Variants in ASPG observed in about 807,000 individuals in gnomAD.
The protein encoded by ASPG is 60 kDa lysophospholipase.
A neutral mutation model predicts 63.2 loss-of-function variants in ASPG; 53 were observed. The ratio of observed to expected loss-of-function variants is 0.84; its 90% confidence interval spans 0.67 to 1.05. The LOEUF (loss-of-function observed/expected upper bound fraction) is 1.05. Ranked by LOEUF, ASPG falls within the 50% of genes least tolerant of loss-of-function variation. The probability of loss-of-function intolerance (pLI) is 0.00; values close to 1 mark genes in which losing one functional copy is unlikely to be tolerated. For synonymous variants in ASPG, 370 were observed against 355.0 expected (o/e 1.04, Z -0.48); for missense variants, 741 against 794.4 (o/e 0.93, Z 0.81).
intron 3 of ASPG, among the ~76,000 whole-genome samples, chr14:104,095,042 G>A (rs977448236): frequency 2.0e-5 from 3 of 152,168 alleles, no homozygotes; most frequent in East Asian, 3.9e-4. Flanking sequence ...GCTGCCCTTC[G>A]GTGTCCTGCC....
At chr14:104,089,238 C>T (rs1367031276) in intron 1 of ASPG, among the ~76,000 whole-genome samples, 1 of 152,100 alleles carries the variant, frequency 6.6e-6, no homozygotes, top group Admixed American at 6.5e-5. Context: ...GCTGACTGGG[C>T]GCGGTGGCTC....
intron 6 of ASPG, among the ~76,000 whole-genome samples, chr14:104,103,172 G>A (rs1438752176): frequency 1.3e-5 from 2 of 152,236 alleles, no homozygotes; most frequent in Non-Finnish European, 2.9e-5. Context: ...TCGCCTCTGC[G>A]CTCGCCTGAC....
In ASPG at chr14:104,109,455, C is replaced by T; in HGVS notation, c.1520+140C>T. ...CGAGGCCCGCTGACCTCAGTGTGCA[C>T]CAACCTGGCTGATGGGAAGAGGTGT... On this transcript the variant is annotated intron_variant, in intron 13 of 15. Coordinates refer to ENST00000551177, the MANE Select transcript of ASPG (RefSeq NM_001080464.3). This position sits in a 1 kb window ranked among gnomAD's most constrained non-coding sequence, Gnocchi z 4.8. 1 of 907,578 alleles carries T rather than the reference C, an allele frequency of 1.1e-6. No homozygotes were observed. Among genetic ancestry groups the T allele is most frequent in the South Asian group, 1.7e-5 (1 of 58,192 alleles). The allele number at this position is 907,578 out of a possible 1,614,324, so 56.2% of individuals were successfully genotyped here.
chr14:104,110,271 G>A lies in ASPG; in HGVS notation c.1520+956G>A. The A allele has an allele frequency of 2.0e-6, 2 of 985,228 alleles. No homozygotes were observed. Among genetic ancestry groups the A allele is most frequent in the Non-Finnish European group, 1.2e-6 (1 of 829,808 alleles). 61.0% of individuals were successfully genotyped at this position (985,228 alleles called of 1,614,324 possible). A position where few individuals can be genotyped will look rare whatever the true frequency, so the allele number is the denominator to read the frequency against. On this transcript the variant is annotated intron_variant, in intron 13 of 15. Coordinates refer to ENST00000551177, the MANE Select transcript of ASPG (RefSeq NM_001080464.3). This position sits in a 1 kb window ranked among gnomAD's most constrained non-coding sequence, Gnocchi z 4.7. ...CGGGGGCTCGGCTCACTGGCTGGGA[G>A]GGGGTGGGTGCAGGCGCCTGCCCAG...
chr14:104,108,335 TG>T (rs1168246559), intron 12 of ASPG: 1 of 899,896 alleles, frequency 1.1e-6, no homozygotes, highest in Non-Finnish European at 1.3e-6. Context: ...TCCTTGGGTG[TG>T]GGTGGGTGGC....
rs142665333 is a variant in ASPG, at chr14:104,097,414, C to T, written c.430-140C>T. The T allele has an allele frequency of 3.8e-3, 3,062 of 797,426 alleles. 9 individuals carry two copies. The highest frequency in any genetic ancestry group is 4.7e-3 in the Non-Finnish European group (2,456 of 519,540). The allele number at this position is 797,426 out of a possible 1,614,324, so 49.4% of individuals were successfully genotyped here. ...CCATCTCCAGGCTGCCTGCTGCAGT[C>T]CAAGCCCGCCTGTCCTTCTCTTTCC... is the stretch of plus-strand genomic sequence containing the variant. On this transcript the variant is annotated intron_variant, in intron 4 of 15. Coordinates refer to ENST00000551177, the MANE Select transcript of ASPG (RefSeq NM_001080464.3).
In ASPG at chr14:104,093,539, G is replaced by A. The variant is rs778656775; in HGVS notation, c.240G>A (p.Gln80=). Residue 80 remains glutamine (Q), a synonymous_variant, in exon 3 of 16, where the codon CAG becomes CAA. Coordinates refer to ENST00000551177, the MANE Select transcript of ASPG (RefSeq NM_001080464.3). Reference sequence around the variant, plus strand: ...TTCTCTACACCGTGCTGGAGTGCCAGCCCCTCTTCGACTCCAGTGACATGA... The same window carrying A: ...TTCTCTACACCGTGCTGGAGTGCCAACCCCTCTTCGACTCCAGTGACATGA... ...QRILYTVLEC[Q]PLFDSSDMTI... is the part of the protein sequence containing the mutation. The A allele has an allele frequency of 6.2e-7, 1 of 1,612,678 alleles. No individual in the cohort carries two copies. Among genetic ancestry groups the A allele is most frequent in the Non-Finnish European group, 8.5e-7 (1 of 1,179,790 alleles).
Position 104,109,661 on chromosome 14 carries a change from C to T in ASPG, c.1520+346C>T, listed in dbSNP as rs1419794369. 6.9e-5 allele frequency among the ~76,000 whole-genome samples: 5 copies of T among 72,990 alleles called. No homozygotes were observed. The highest frequency in any genetic ancestry group is 2.0e-4 in the Admixed American group (1 of 5,116). 47.9% of individuals were successfully genotyped at this position (72,990 alleles called of 152,430 possible). A position where few individuals can be genotyped will look rare whatever the true frequency, so the allele number is the denominator to read the frequency against. ...AATTGGTTGTCGGGTGTGAGAGGGG[C>T]TGGGGTGTGGACTGGGGGGTGGCTG... On this transcript the variant is annotated intron_variant, in intron 13 of 15. Coordinates refer to ENST00000551177, the MANE Select transcript of ASPG (RefSeq NM_001080464.3). The surrounding 1 kb of genome is among the most constrained non-coding windows in gnomAD (Gnocchi z 4.8).
Position 104,107,225 on chromosome 14 carries a change from T to C in ASPG, c.1313T>C (p.Leu438Pro). The C allele has an allele frequency of 6.2e-7, 1 of 1,602,916 alleles. No homozygotes were observed. Among genetic ancestry groups the C allele is most frequent in the Non-Finnish European group, 8.5e-7 (1 of 1,174,092 alleles). Residue 438 changes from leucine to proline, a missense_variant, in exon 12 of 16, where the codon CTG (leucine) becomes CCG (proline). By Grantham distance (98) the Leu-to-Pro change is moderately conservative. Coordinates refer to ENST00000551177, the MANE Select transcript of ASPG (RefSeq NM_001080464.3). ...GTGGACTTTAACGGCCAAACCCCAC[T>C]GCACGCGGCCGCCCGGGGAGGCCAC... is the stretch of plus-strand genomic sequence containing the variant. ...GLVDFNGQTP[L>P]HAAARGGHTE...
At chr14:104,101,892 G>C (rs770678406) in intron 6 of ASPG, among the ~76,000 whole-genome samples, 7 of 152,210 alleles carry the variant, frequency 4.6e-5, no homozygotes, top group Non-Finnish European at 8.8e-5. Context: ...GGGGTAAGGG[G>C]CTGAGCCTGC....
intron 6 of ASPG, among the ~76,000 whole-genome samples, chr14:104,101,830 G>A (rs1179762936): frequency 1.3e-5 from 2 of 152,176 alleles, no homozygotes; most frequent in South Asian, 2.1e-4. Context: ...TACACCCTTC[G>A]GCTCCTGTGC....
At chr14:104,105,274 T>C in intron 9 of ASPG, 54 bp from the exon 10 acceptor site, 1 of 1,612,154 alleles carries the variant, frequency 6.2e-7, no homozygotes, top group Non-Finnish European at 8.5e-7. Flanking sequence ...CAGGCTGTCC[T>C]GGGCTGCCCA....
chr14:104,110,534 G>T lies in ASPG; in HGVS notation c.1521-968G>T. On this transcript the variant is annotated intron_variant, in intron 13 of 15. Coordinates refer to ENST00000551177, the MANE Select transcript of ASPG (RefSeq NM_001080464.3). This position sits in a 1 kb window ranked among gnomAD's most constrained non-coding sequence, Gnocchi z 4.7. ...CCTGGCCAGCCTGAGCTGCTGGCTG[G>T]ACTTGAGCCCCTCGGCTAGGCCTTC... 6.1e-6 allele frequency: 6 copies of T among 985,360 alleles called. No individual in the cohort carries two copies. The highest frequency in any genetic ancestry group is 7.2e-6 in the Non-Finnish European group (6 of 829,892). 61.0% of individuals were successfully genotyped at this position (985,360 alleles called of 1,614,324 possible).
chr14:104,100,366 G>C (rs926963599), intron 6 of ASPG, among the ~76,000 whole-genome samples: 2 of 152,176 alleles, frequency 1.3e-5, no homozygotes, highest in African/African-American at 4.8e-5. Flanking sequence ...CTCAAGACAA[G>C]GCCTGTGTGT....
At chr14:104,112,313 C>A (rs2037405775) in intron 15 of ASPG, among the ~76,000 whole-genome samples, 1 of 152,000 alleles carries the variant, frequency 6.6e-6, no homozygotes, top group South Asian at 2.1e-4. Context: ...CCCACCGGGA[C>A]CCCCTAGGCT....
chr14:104,104,518 A>C lies in ASPG; in HGVS notation c.936+32A>C, dbSNP rs529874012. ...CCGGGAGATCAGGGCCTAGCGGGGA[A>C]GGGGACAGCCTGAGGGCCTGGCAGA... On this transcript the variant is annotated intron_variant, in intron 8 of 15. Transcript: ENST00000551177. 30 of 1,605,446 alleles carry C rather than the reference A, an allele frequency of 1.9e-5. No homozygotes were observed. In the South Asian group the frequency reaches 3.0e-4, roughly 16 times the overall value.
chr14:104,108,668 C>A (rs1299647042), intron 12 of ASPG: 2 of 985,324 alleles, frequency 2.0e-6, no homozygotes, highest in East Asian at 2.3e-4. Context: ...TGCCTCTGCT[C>A]CTCCTTGCTA....
Position 104,110,139 on chromosome 14 carries a change from A to G in ASPG, c.1520+824A>G. On this transcript the variant is annotated intron_variant, in intron 13 of 15. Coordinates refer to ENST00000551177, the MANE Select transcript of ASPG (RefSeq NM_001080464.3). The surrounding 1 kb of genome is among the most constrained non-coding windows in gnomAD (Gnocchi z 4.7). Reference sequence around the variant, plus strand: ...GGACCCAAAAAGGAGAGTCGGAGGCAGGAGACCTGGGCCGGGTGCAGGTGG... The same window carrying G: ...GGACCCAAAAAGGAGAGTCGGAGGCGGGAGACCTGGGCCGGGTGCAGGTGG... 1 of 985,242 alleles carries G rather than the reference A, an allele frequency of 1.0e-6. No individual in the cohort carries two copies. The highest frequency in any genetic ancestry group is 1.2e-6 in the Non-Finnish European group (1 of 829,862). The allele number at this position is 985,242 out of a possible 1,614,324, so 61.0% of individuals were successfully genotyped here. A position where few individuals can be genotyped will look rare whatever the true frequency, so the allele number is the denominator to read the frequency against.
chr14:104,089,001 C>T (rs2036292177), intron 1 of ASPG, among the ~76,000 whole-genome samples: 1 of 152,086 alleles, frequency 6.6e-6, no homozygotes, highest in South Asian at 2.1e-4. Context: ...GGTGTGAAAG[C>T]CGGTGTTTGT....
Sources: gnomAD v4.1 joint callset for allele counts (sites outside exome capture counted in the v4.1 genomes callset) on GRCh38, gnomAD v4.1.1 for gene constraint, Gnocchi (gnomAD v3.1) non-coding constraint, MANE v1.5 for transcripts, NCBI Gene and HGNC (gene_info 2026-07-23, HGNC 2026-07-21) for gene names.